Variants in RP1 observed in about 807,000 individuals in gnomAD.
RP1 encodes the protein oxygen-regulated protein 1.
A neutral mutation model predicts 14.8 loss-of-function variants in RP1; 16 were observed. That is an observed-to-expected ratio of 1.08 (90% CI 0.73 to 1.65). The LOEUF (loss-of-function observed/expected upper bound fraction) is 1.65, where lower values mean the gene tolerates loss of function less well. Among genes scored for constraint, RP1 ranks in the 40% most tolerant of loss-of-function variants. The probability of loss-of-function intolerance (pLI) is 0.00; values close to 1 mark genes in which losing one functional copy is unlikely to be tolerated. For missense variants in RP1, 2,631 were observed against 2,535.0 expected (o/e 1.04, Z -0.81); for synonymous variants, 876 against 883.6 (o/e 0.99, Z 0.15).
rs551332399 is a variant in RP1 at position 54,836,686 on chromosome 8, G to T, written c.3616-764G>T. Among the ~76,000 whole-genome samples, 33 of 152,254 alleles carry T rather than the reference G, an allele frequency of 2.2e-4. 1 individual carries two copies. The highest frequency in any genetic ancestry group is 6.2e-4 in the South Asian group (3 of 4,816). On this transcript the variant is annotated intron_variant, in intron 24 of 28. Coordinates refer to the RP1 transcript ENST00000637698. ...TCCAAAGAGGAGTCCAGCCCACCCA[G>T]TGCCTTGATCTCAGACTGGGTGGTC...
At chr8:54,674,308 C>T (rs182848373) in intron 8 of RP1, among the ~76,000 whole-genome samples, 33 of 152,142 alleles carry the variant, frequency 2.2e-4, no homozygotes, top group Admixed American at 7.2e-4. Flanking sequence ...TGTCCAACAG[C>T]GGCACGTTAA....
chr8:54,574,009 T>C (rs543075563), intron 1 of RP1, among the ~76,000 whole-genome samples: 1 of 152,226 alleles, frequency 6.6e-6, no homozygotes, highest in Non-Finnish European at 1.5e-5. Flanking sequence ...ACTGCTCTCA[T>C]GCTGCTTTCC....
exon 16 of RP1, chr8:54,720,169 A>G: frequency 6.5e-7 from 1 of 1,535,396 alleles, no homozygotes; most frequent in Non-Finnish European, 8.7e-7. Flanking sequence ...ATTAAGAAGA[A>G]CTTGAAGAAT....
rs1053917605 is a variant in RP1 at position 54,717,180 on chromosome 8, TTC to T, written c.2212-2942_2212-2941del. 1.4e-4 allele frequency among the ~76,000 whole-genome samples: 22 copies of T among 152,310 alleles called. No individual in the cohort carries two copies. In the South Asian group the frequency reaches 1.7e-3, roughly 11 times the overall value. On this transcript the variant is annotated intron_variant, in intron 15 of 22. Coordinates refer to the RP1 transcript ENST00000636932. ...TTTGGAATTTCTTTTGTCAACCATT[TTC>T]TCTCTCAATAAACTTGCTTTTACAA...
chr8:54,636,167 G>C (rs1806342219), intron 3 of RP1, among the ~76,000 whole-genome samples: 1 of 152,188 alleles, frequency 6.6e-6, no homozygotes, highest in African/African-American at 2.4e-5. Flanking sequence ...AGCTATCTTA[G>C]AGAGTGGCTG....
At chr8:54,693,428 T>C (rs1456690350) in intron 12 of RP1, among the ~76,000 whole-genome samples, 3 of 152,166 alleles carry the variant, frequency 2.0e-5, no homozygotes, top group Admixed American at 6.5e-5. Context: ...ATTTTCACAA[T>C]ATTGATTCTT....
intron 22 of RP1, among the ~76,000 whole-genome samples, chr8:54,763,380 T>C (rs928161437): frequency 6.6e-6 from 1 of 152,200 alleles, no homozygotes; most frequent in Non-Finnish European, 1.5e-5. Context: ...GATAGGAGCT[T>C]GCAGAAGCAA....
intron 16 of RP1, among the ~76,000 whole-genome samples, chr8:54,721,937 G>C (rs566999030): frequency 6.6e-6 from 1 of 152,114 alleles, no homozygotes; most frequent in Admixed American, 6.5e-5. Context: ...AAGAGTGACA[G>C]AATGTTTATG....
chr8:54,837,236 T>G (rs1453157780), intron 24 of RP1, among the ~76,000 whole-genome samples: 1 of 152,192 alleles, frequency 6.6e-6, no homozygotes, highest in African/African-American at 2.4e-5. Context: ...TAATGAAAAC[T>G]AGCTGGATTT....
At chr8:54,725,555 T>A (rs1808633183) in intron 16 of RP1, among the ~76,000 whole-genome samples, 2 of 152,246 alleles carry the variant, frequency 1.3e-5, no homozygotes, top group African/African-American at 4.8e-5. Context: ...GAGGTTGTTA[T>A]GCTTTCTTAC....
chr8:54,702,646 GACA>G (rs1237594683), intron 14 of RP1, among the ~76,000 whole-genome samples: 1 of 152,102 alleles, frequency 6.6e-6, no homozygotes, highest in Non-Finnish European at 1.5e-5. Flanking sequence ...CTTAAAATAA[GACA>G]ACAATGAAGT....
intron 1 of RP1, among the ~76,000 whole-genome samples, chr8:54,561,396 G>C (rs954854055): frequency 6.6e-6 from 1 of 152,090 alleles, no homozygotes; most frequent in African/African-American, 2.4e-5. Context: ...CACAGCAATA[G>C]GTGTTTAGTT....
intron 24 of RP1, among the ~76,000 whole-genome samples, chr8:54,821,003 CA>C (rs1299605160): frequency 6.6e-6 from 1 of 152,038 alleles, no homozygotes; most frequent in Non-Finnish European, 1.5e-5. Context: ...AACAAAAACA[CA>C]AAGCAGAATA....
intron 1 of RP1, among the ~76,000 whole-genome samples, chr8:54,584,393 C>T (rs181754219): frequency 8.4e-4 from 128 of 152,266 alleles, no homozygotes; most frequent in African/African-American, 2.8e-3. Context: ...TGTTCTTTTG[C>T]ATTTGCTCAG....
At chr8:54,662,851 T>C (rs1028643577) in intron 6 of RP1, among the ~76,000 whole-genome samples, 3 of 152,176 alleles carry the variant, frequency 2.0e-5, no homozygotes. Context: ...ATGCATTCTG[T>C]CAAAGTTTTA....
At chr8:54,806,601 A>G (rs1476907990) in intron 24 of RP1, among the ~76,000 whole-genome samples, 1 of 152,204 alleles carries the variant, frequency 6.6e-6, no homozygotes, top group Non-Finnish European at 1.5e-5. Context: ...ATACCTTGCT[A>G]CATGTGAACA....
chr8:54,601,152 A>G (rs1465665513), intron 1 of RP1, among the ~76,000 whole-genome samples: 4 of 152,220 alleles, frequency 2.6e-5, no homozygotes, highest in Admixed American at 2.0e-4. Flanking sequence ...AGTAACTTGC[A>G]TAAAGACATG....
chr8:54,731,390 C>T (rs762040742), intron 17 of RP1, among the ~76,000 whole-genome samples: 15 of 152,100 alleles, frequency 9.9e-5, no homozygotes, highest in South Asian at 2.1e-4. Context: ...TCCAGGGTCC[C>T]CATTAAATAT....
chr8:54,741,448 C>A (rs1809082358), intron 19 of RP1, among the ~76,000 whole-genome samples: 1 of 151,798 alleles, frequency 6.6e-6, no homozygotes, highest in Non-Finnish European at 1.5e-5. Flanking sequence ...CATTGTGTTA[C>A]AATTTCCTGT....
Sources: allele counts gnomAD v4.1 joint callset (sites outside exome capture counted in the v4.1 genomes callset), GRCh38; gene constraint gnomAD v4.1.1; transcripts MANE v1.5; gene names NCBI Gene and HGNC (gene_info 2026-07-23, HGNC 2026-07-21).